The following AFG1L variants were observed in gnomAD, a reference collection of about 807,000 sequenced individuals.
AFG1L encodes the protein AFG1-like ATPase.
In AFG1L, 53 loss-of-function variants were observed where a neutral mutation model predicts 62.2. The ratio of observed to expected loss-of-function variants is 0.85; its 90% CI spans 0.68 to 1.07. The LOEUF is 1.07. AFG1L is among the 50% of genes least tolerant of loss of function. AFG1L has a pLI of 0.00. For synonymous variants in AFG1L, 228 were observed against 210.3 expected (o/e 1.08, Z -0.73); for missense variants, 555 against 590.5 (o/e 0.94, Z 0.62).
In AFG1L at chr6:108,445,129, T is replaced by C. The variant is rs140680917; in HGVS notation, c.808-2085T>C. On this transcript the variant is annotated intron_variant, in intron 7 of 12. Coordinates refer to ENST00000368977, the MANE Select transcript of AFG1L (RefSeq NM_145315.5). ...GCTGCTTTACCTTGCATTTTTATGT[T>C]ATAGAGATGGCTTATTTATTGAAAC... is the stretch of plus-strand genomic sequence containing the variant. 4.7e-3 allele frequency among the ~76,000 whole-genome samples: 722 copies of C among 152,352 alleles called. 4 individuals are homozygous for C. The highest frequency in any genetic ancestry group is 6.1e-3 in the Non-Finnish European group (413 of 68,036).
At chr6:108,332,266 C>T (rs2114348658) in intron 2 of AFG1L, among the ~76,000 whole-genome samples, 1 of 152,320 alleles carries the variant, frequency 6.6e-6, no homozygotes, top group East Asian at 1.9e-4. Flanking sequence ...CCTGCTTGAA[C>T]TTTACCTAGT....
At chr6:108,384,155 C>G (rs1470006461) in intron 6 of AFG1L, among the ~76,000 whole-genome samples, 1 of 151,574 alleles carries the variant, frequency 6.6e-6, no homozygotes, top group African/African-American at 2.4e-5. Context: ...TTTCATGATA[C>G]CAGCCTCAGG....
chr6:108,512,427 G>A (rs73517951), intron 11 of AFG1L, among the ~76,000 whole-genome samples: 4,693 of 152,218 alleles, frequency 0.031, 229 homozygotes, highest in African/African-American at 0.11. Flanking sequence ...CAGAGCTGGG[G>A]GATGGAGGCC....
rs1164295268 is a variant in AFG1L, at chr6:108,525,864, T to G, written c.*3439T>G. ...GTAACTTGAACCTACACTTGACGGC[T>G]GCTTTATCTGAGATTAAAAACATGC... On this transcript the variant is annotated 3_prime_UTR_variant, in exon 13 of 13. Transcript: ENST00000368977. 1.3e-5 allele frequency: 2 copies of G among 152,232 alleles called. No individual in the cohort carries two copies. The allele number at this position is 152,232 out of a possible 1,614,324, so 9.4% of individuals were successfully genotyped here. A position where few individuals can be genotyped will look rare whatever the true frequency, so the allele number is the denominator to read the frequency against.
chr6:108,387,919 T>G (rs1314226511), intron 6 of AFG1L: 1 of 151,962 alleles, frequency 6.6e-6, no homozygotes, highest in African/African-American at 2.4e-5. Context: ...TTTATTTATT[T>G]TTTTTTTTAG....
intron 6 of AFG1L, among the ~76,000 whole-genome samples, chr6:108,371,214 T>A (rs1779988355): frequency 6.6e-6 from 1 of 152,178 alleles, no homozygotes; most frequent in Non-Finnish European, 1.5e-5. Context: ...TGTGACAGTC[T>A]CACTCTGTCA....
chr6:108,503,935 C>T (rs896324546), intron 10 of AFG1L, among the ~76,000 whole-genome samples: 1 of 152,224 alleles, frequency 6.6e-6, no homozygotes, highest in African/African-American at 2.4e-5. Flanking sequence ...CCAACCTCTG[C>T]TGGTTTCCGA....
chr6:108,396,818 A>T (rs1026987489), intron 6 of AFG1L, among the ~76,000 whole-genome samples: 2 of 152,086 alleles, frequency 1.3e-5, no homozygotes, highest in African/African-American at 4.8e-5. Flanking sequence ...TTTATGAGGT[A>T]TGTGAGATAT....
intron 7 of AFG1L, among the ~76,000 whole-genome samples, chr6:108,435,117 T>C (rs1219201682): frequency 1.3e-5 from 2 of 152,164 alleles, no homozygotes; most frequent in Non-Finnish European, 2.9e-5. Flanking sequence ...ATGCCCGACA[T>C]TGGACAAACG....
At chr6:108,321,494 C>T (rs536051426) in intron 1 of AFG1L, among the ~76,000 whole-genome samples, 1 of 152,290 alleles carries the variant, frequency 6.6e-6, no homozygotes, top group South Asian at 2.1e-4. Flanking sequence ...CTTCTGGCTA[C>T]CAGCCTCACC....
chr6:108,407,473 G>A (rs1001036327), intron 7 of AFG1L, among the ~76,000 whole-genome samples: 9 of 152,070 alleles, frequency 5.9e-5, no homozygotes, highest in Admixed American at 1.3e-4. Context: ...GAGGCCAAGA[G>A]TTTGAGACCA....
At chr6:108,352,573 A>G (rs1179024350) in intron 3 of AFG1L, among the ~76,000 whole-genome samples, 1 of 152,106 alleles carries the variant, frequency 6.6e-6, no homozygotes, top group Non-Finnish European at 1.5e-5. Context: ...GATGATTATT[A>G]TTATTTTGAA....
chr6:108,419,910 G>A (rs575689163), intron 7 of AFG1L, among the ~76,000 whole-genome samples: 36 of 152,206 alleles, frequency 2.4e-4, no homozygotes, highest in African/African-American at 8.4e-4. Context: ...AAATGCTTCA[G>A]TGTTCAGCCT....
chr6:108,367,915 G>C (rs1288437746), intron 6 of AFG1L, among the ~76,000 whole-genome samples: 1 of 152,166 alleles, frequency 6.6e-6, no homozygotes, highest in African/African-American at 2.4e-5. Flanking sequence ...GAATTCATTA[G>C]TGAGTCTGAA....
At position 108,313,059 on chromosome 6, in the gene AFG1L, G is replaced by A. The variant is rs1287859238; in HGVS notation, c.140-10766G>A. Among the ~76,000 whole-genome samples, 5 of 152,178 alleles carry A rather than the reference G, an allele frequency of 3.3e-5. No individual in the cohort carries two copies. In the South Asian group the frequency reaches 6.2e-4, roughly 19 times the overall value. On this transcript the variant is annotated intron_variant, in intron 1 of 12. Coordinates refer to ENST00000368977, the MANE Select transcript of AFG1L (RefSeq NM_145315.5). Reference sequence around the variant, plus strand: ...TTTGAAGAGTATCGGGGAAGACTTTGCCAGAAGCTAACTTCCCCATTAGGC... The same window carrying A: ...TTTGAAGAGTATCGGGGAAGACTTTACCAGAAGCTAACTTCCCCATTAGGC...
chr6:108,407,907 G>A (rs115130512), intron 7 of AFG1L, among the ~76,000 whole-genome samples: 39 of 152,214 alleles, frequency 2.6e-4, no homozygotes, highest in African/African-American at 8.9e-4. Flanking sequence ...TAAGGTCCTT[G>A]TCTGCTAATT....
intron 10 of AFG1L, among the ~76,000 whole-genome samples, chr6:108,501,922 C>T (rs1284953912): frequency 6.6e-6 from 1 of 152,158 alleles, no homozygotes; most frequent in Non-Finnish European, 1.5e-5. Context: ...CAAAAAAATA[C>T]ATACTTTAAT....
chr6:108,467,655 T>C (rs67528218), intron 8 of AFG1L, among the ~76,000 whole-genome samples: 17,323 of 152,270 alleles, frequency 0.11, 1,127 homozygotes, highest in South Asian at 0.21. Context: ...TATTGCAACA[T>C]ATAATCTTGT....
chr6:108,359,134 T>A (rs1418662405), intron 5 of AFG1L: 1 of 152,230 alleles, frequency 6.6e-6, no homozygotes, highest in Admixed American at 6.5e-5. Flanking sequence ...GTCGTAATGT[T>A]TTTTTAATTG....
Sources: allele counts gnomAD v4.1 joint callset (sites outside exome capture counted in the v4.1 genomes callset), GRCh38; gene constraint gnomAD v4.1.1; transcripts MANE v1.5; gene names NCBI Gene and HGNC (gene_info 2026-07-23, HGNC 2026-07-21).